Variants in KCNH1 observed in about 807,000 individuals in gnomAD.
KCNH1 encodes potassium voltage-gated channel subfamily H member 1, also known as voltage-gated delayed rectifier potassium channel KCNH1.
A neutral mutation model predicts 69.2 loss-of-function variants in KCNH1; 27 were observed. That is an observed-to-expected ratio of 0.39 (90% CI 0.29 to 0.54). The LOEUF is 0.54. KCNH1 is among the 20% of genes least tolerant of loss of function. KCNH1 has a pLI of 0.68. For missense variants in KCNH1, 798 were observed against 1,261.6 expected (o/e 0.63, Z 5.57); for synonymous variants, 456 against 487.7 (o/e 0.93, Z 0.86).
chr1:210,909,022 T>C (rs893263998), intron 7 of KCNH1, among the ~76,000 whole-genome samples: 6 of 152,258 alleles, frequency 3.9e-5, no homozygotes, highest in African/African-American at 1.4e-4. Flanking sequence ...CACGTAGCTA[T>C]GATTCAGAGC....
chr1:210,890,126 C>A (rs571353435), intron 7 of KCNH1, among the ~76,000 whole-genome samples: 6 of 152,148 alleles, frequency 3.9e-5, no homozygotes, highest in Non-Finnish European at 5.9e-5. Flanking sequence ...AGGCATCAGG[C>A]TACCTGATGT....
chr1:210,960,263 A>G (rs999944780), intron 6 of KCNH1, among the ~76,000 whole-genome samples: 2 of 152,194 alleles, frequency 1.3e-5, no homozygotes, highest in African/African-American at 4.8e-5. Context: ...TATTACCTAT[A>G]TCATAAATTT....
intron 5 of KCNH1, among the ~76,000 whole-genome samples, chr1:211,035,180 C>G (rs1192589967): frequency 1.3e-5 from 2 of 149,458 alleles, no homozygotes; most frequent in Non-Finnish European, 3.0e-5. Context: ...TTCAGTGCCT[C>G]TCTTCCCATC....
At chr1:211,132,195 A>G (rs1463657287) in intron 1 of KCNH1, among the ~76,000 whole-genome samples, 1 of 152,220 alleles carries the variant, frequency 6.6e-6, no homozygotes, top group African/African-American at 2.4e-5. Flanking sequence ...TTTATGAGAA[A>G]GTTGGTGTCA....
intron 7 of KCNH1, among the ~76,000 whole-genome samples, chr1:210,889,435 C>G (rs71550540): frequency 6.6e-6 from 1 of 152,184 alleles, no homozygotes; most frequent in Non-Finnish European, 1.5e-5. Context: ...ATGACCACCC[C>G]ACAGCCAATG....
chr1:210,960,141 G>A (rs886657394), intron 6 of KCNH1, among the ~76,000 whole-genome samples: 1 of 152,122 alleles, frequency 6.6e-6, no homozygotes, highest in Non-Finnish European at 1.5e-5. Flanking sequence ...ATTATGAAAT[G>A]TATATGTCAC....
At chr1:210,907,280 A>G (rs1687121614) in intron 7 of KCNH1, among the ~76,000 whole-genome samples, 1 of 152,152 alleles carries the variant, frequency 6.6e-6, no homozygotes, top group Non-Finnish European at 1.5e-5. Context: ...GTGCCAAGAA[A>G]TTGTACCCAG....
At chr1:211,065,038 G>A (rs774151894) in intron 5 of KCNH1, among the ~76,000 whole-genome samples, 1 of 152,170 alleles carries the variant, frequency 6.6e-6, no homozygotes, top group Non-Finnish European at 1.5e-5. Flanking sequence ...GTTGGTGGGA[G>A]TGTAAATTAC....
At chr1:210,785,895 A>C (rs146720757) in intron 9 of KCNH1, among the ~76,000 whole-genome samples, 1 of 152,196 alleles carries the variant, frequency 6.6e-6, no homozygotes, top group African/African-American at 2.4e-5. Context: ...TGTGCTGGTC[A>C]TCATCACAAG....
At position 210,699,281 on chromosome 1, in the gene KCNH1, C is replaced by T. The variant is rs373235072; in HGVS notation, c.2113-15143G>A. On this transcript the variant is annotated intron_variant, in intron 10 of 10. Coordinates refer to ENST00000271751, the MANE Select transcript of KCNH1 (RefSeq NM_172362.3). ...TGCCTTCCTTTTACTGAGAATGTGG[C>T]CCTCATGTGTCACTGATTCAACAGG... Among the ~76,000 whole-genome samples, 130 of 152,298 alleles carry T rather than the reference C, an allele frequency of 8.5e-4. 1 individual carries two copies. Among genetic ancestry groups the T allele is most frequent in the Middle Eastern group, 6.8e-3 (2 of 294 alleles).
intron 6 of KCNH1, among the ~76,000 whole-genome samples, chr1:210,950,975 TA>T (rs1688053085): frequency 1.3e-5 from 2 of 151,886 alleles, no homozygotes; most frequent in African/African-American, 2.4e-5. Context: ...CAAAAGAAAA[TA>T]AAAGTTTAAC....
chr1:210,987,366 T>C (rs1688860524), intron 6 of KCNH1, among the ~76,000 whole-genome samples: 1 of 152,224 alleles, frequency 6.6e-6, no homozygotes. Flanking sequence ...ACTCTGCTTT[T>C]TAGAGTTTCC....
chr1:210,739,977 A>G (rs1334023559), intron 10 of KCNH1, among the ~76,000 whole-genome samples: 2 of 148,712 alleles, frequency 1.3e-5, no homozygotes, highest in Non-Finnish European at 2.9e-5. Context: ...CAGGGGGGGA[A>G]AAAAACACAG....
chr1:211,018,951 G>GC lies in KCNH1; in HGVS notation c.863dup (p.Met289HisfsTer11). 1 of 1,614,080 alleles carries GC rather than the reference G, an allele frequency of 6.2e-7. No individual in the cohort carries two copies. Among genetic ancestry groups the GC allele is most frequent in the Non-Finnish European group, 8.5e-7 (1 of 1,179,990 alleles). On this transcript the variant is annotated frameshift_variant, in exon 6 of 11. Coordinates refer to ENST00000271751, the MANE Select transcript of KCNH1 (RefSeq NM_172362.3). LOFTEE classifies it high-confidence loss of function. ...CAAACCACGTCTTCAGGTAGTTCAT[G>GC]CGGATAAGTTTGGGGTCAGAAATCA...
At chr1:210,881,469 A>C (rs1461267008) in intron 7 of KCNH1, among the ~76,000 whole-genome samples, 2 of 152,216 alleles carry the variant, frequency 1.3e-5, no homozygotes, top group Admixed American at 1.3e-4. Context: ...GATTTGTTAC[A>C]ATATTAAACA....
chr1:210,985,836 C>T (rs184790751), intron 6 of KCNH1, among the ~76,000 whole-genome samples: 1 of 152,108 alleles, frequency 6.6e-6, no homozygotes, highest in Non-Finnish European at 1.5e-5. Context: ...CCTGGATATC[C>T]ATGTTAACTT....
At chr1:210,913,572 G>T (rs140609899) in intron 7 of KCNH1, among the ~76,000 whole-genome samples, 40 of 152,248 alleles carry the variant, frequency 2.6e-4, no homozygotes, top group African/African-American at 9.4e-4. Context: ...AAAAATAGAG[G>T]ATACAGCCCA....
intron 5 of KCNH1, among the ~76,000 whole-genome samples, chr1:211,028,279 A>G (rs538399983): frequency 1.3e-5 from 2 of 152,242 alleles, no homozygotes; most frequent in African/African-American, 4.8e-5. Context: ...GAACTCAATG[A>G]AAATGAAAAT....
intron 7 of KCNH1, among the ~76,000 whole-genome samples, chr1:210,854,837 G>A (rs1379345070): frequency 1.3e-5 from 2 of 152,170 alleles, no homozygotes; most frequent in Admixed American, 6.5e-5. Flanking sequence ...GAACACAAAT[G>A]TTCTGCTAGC....
Sources: gnomAD v4.1 joint callset for allele counts (sites outside exome capture counted in the v4.1 genomes callset) on GRCh38, gnomAD v4.1.1 for gene constraint, MANE v1.5 for transcripts, NCBI Gene and HGNC (gene_info 2026-07-23, HGNC 2026-07-21) for gene names.